UGT2B28: variants seen among roughly 807,000 people sequenced by gnomAD.
UGT2B28 encodes the protein UDP glucuronosyltransferase family 2 member B28.
Under a neutral mutation model 43.6 loss-of-function variants are expected in UGT2B28, and 45 were observed. The ratio of observed to expected loss-of-function variants is 1.03; its 90% CI spans 0.81 to 1.32. UGT2B28 has a LOEUF of 1.32. Ranked by LOEUF, UGT2B28 falls within the 40% of genes most tolerant of loss-of-function variation. UGT2B28 has a pLI of 0.00. For missense variants in UGT2B28, 649 were observed against 625.5 expected, an observed-to-expected ratio of 1.04 and a Z score of -0.40; for synonymous variants, 204 against 208.1, an observed-to-expected ratio of 0.98 and a Z score of 0.17.
At chr4:69,281,356 C>T (rs972018092) in intron 1 of UGT2B28, 135 bp downstream of exon 1, 19 of 1,101,200 alleles carry the variant, frequency 1.7e-5, no homozygotes, top group Non-Finnish European at 2.2e-5. Flanking sequence ...ACAAGATGAT[C>T]TATCAATCTC....
At chr4:69,282,842 T>TA (rs1287578367) in intron 2 of UGT2B28, among the ~76,000 whole-genome samples, 180 bp downstream of exon 2, 3 of 140,512 alleles carry the variant, frequency 2.1e-5, no homozygotes. Flanking sequence ...ATGTGAGTTT[T>TA]ATGCATATTA....
At chr4:69,289,356 T>C (rs1334032215) in intron 3 of UGT2B28, among the ~76,000 whole-genome samples, 1 of 140,854 alleles carries the variant, frequency 7.1e-6, no homozygotes, top group Non-Finnish European at 1.5e-5. Context: ...GTTAAGTTAT[T>C]TTACTTCATG....
rs1723646236 is a variant in UGT2B28, at chr4:69,282,541, T to A, written c.749T>A (p.Met250Lys). ...LGRPTTLFET[M>K]GKADIWLMRN... ...AGACCCACTACCTTATTTGAGACAA[T>A]GGGGAAAGCTGACATATGGCTTATG... Residue 250 changes from methionine (M) to lysine (K), a missense_variant, in exon 2 of 6, where the codon ATG (methionine) becomes AAG (lysine). By Grantham distance (95) the Met-to-Lys change is moderately conservative. Coordinates refer to ENST00000335568, the MANE Select transcript of UGT2B28 (RefSeq NM_053039.2). 2 of 1,549,994 alleles carry A rather than the reference T, an allele frequency of 1.3e-6. No individual in the cohort carries two copies. The highest frequency in any genetic ancestry group is 2.3e-5 in the East Asian group (1 of 43,142).
At chr4:69,289,559 T>G in intron 3 of UGT2B28, 106 bp from the exon 4 acceptor site, 1 of 1,040,964 alleles carries the variant, frequency 9.6e-7, no homozygotes, top group Non-Finnish European at 1.3e-6. Flanking sequence ...TGAGTAGATT[T>G]ATTTACTAAC....
chr4:69,281,590 T>G lies in UGT2B28; in HGVS notation c.721+369T>G, dbSNP rs780618708. 1.3e-4 allele frequency among the ~76,000 whole-genome samples: 19 copies of G among 141,112 alleles called. 4 individuals are homozygous for G. Among genetic ancestry groups the G allele is most frequent in the Non-Finnish European group, 2.1e-4 (14 of 65,860 alleles). 92.6% of individuals were successfully genotyped at this position (141,112 alleles called of 152,430 possible). On this transcript the variant is annotated intron_variant, in intron 1 of 5. Transcript: ENST00000335568. The stretch of plus-strand genomic sequence containing the variant: ...AGATTTAGAATGAGTAATTACACAT[T>G]TTTCTACAACTATCTATATAACTGC...
rs188365237 is a variant in UGT2B28, at chr4:69,285,768, A to G, written c.871-984A>G. ...GGAACTCAAGTCAGAATAATTCTCA[A>G]TCAATTGCAGCCAAGCACATCTTCA... is the stretch of plus-strand genomic sequence containing the variant. On this transcript the variant is annotated intron_variant, in intron 2 of 5. Coordinates refer to ENST00000335568, the MANE Select transcript of UGT2B28 (RefSeq NM_053039.2). Among the ~76,000 whole-genome samples, 341 of 140,928 alleles carry G rather than the reference A, an allele frequency of 2.4e-3. 76 individuals carry two copies. Among genetic ancestry groups the G allele is most frequent in the African/African-American group, 9.3e-3 (335 of 36,088 alleles). The allele number at this position is 140,928 out of a possible 152,430, so 92.5% of individuals were successfully genotyped here. A position where few individuals can be genotyped will look rare whatever the true frequency, so the allele number is the denominator to read the frequency against.
intron 2 of UGT2B28, among the ~76,000 whole-genome samples, chr4:69,283,583 G>T: frequency 7.1e-6 from 1 of 140,408 alleles, no homozygotes; most frequent in East Asian, 2.0e-4. Context: ...TGCTAAAATA[G>T]TGCCAACTTC....
chr4:69,283,482 A>G lies in UGT2B28; in HGVS notation c.870+820A>G, dbSNP rs1396398941. On this transcript the variant is annotated intron_variant, in intron 2 of 5. Transcript: ENST00000335568. ...ATTACAGAAGGGCCACACTGTAAAG[A>G]GCCAACCATTTAGGAAATTTTCCAT... 5.7e-5 allele frequency among the ~76,000 whole-genome samples: 8 copies of G among 140,374 alleles called. 1 individual carries two copies. The Admixed American group carries it at 5.7e-4, about 10-fold the overall frequency. The allele number at this position is 140,374 out of a possible 152,430, so 92.1% of individuals were successfully genotyped here. A position where few individuals can be genotyped will look rare whatever the true frequency, so the allele number is the denominator to read the frequency against.
chr4:69,290,138 G>C (rs1723909553), intron 4 of UGT2B28, among the ~76,000 whole-genome samples: 3 of 139,558 alleles, frequency 2.1e-5, no homozygotes, highest in African/African-American at 8.4e-5. Flanking sequence ...GTATTATCTG[G>C]AGGACTAAAT....
chr4:69,286,352 G>A lies in UGT2B28; in HGVS notation c.871-400G>A, dbSNP rs187013921. Among the ~76,000 whole-genome samples, 52 of 140,618 alleles carry A rather than the reference G, an allele frequency of 3.7e-4. 11 individuals carry two copies. The highest frequency in any genetic ancestry group is 1.3e-3 in the African/African-American group (48 of 35,938). The allele number at this position is 140,618 out of a possible 152,430, so 92.3% of individuals were successfully genotyped here. A position where few individuals can be genotyped will look rare whatever the true frequency, so the allele number is the denominator to read the frequency against. ...GAAAACATGCCTGAAATAAACACAA[G>A]TGTTTAAGTAGAAGAAAAATATAGC... On this transcript the variant is annotated intron_variant, in intron 2 of 5. Coordinates refer to ENST00000335568, the MANE Select transcript of UGT2B28 (RefSeq NM_053039.2).
chr4:69,292,192 CA>C lies in UGT2B28; in HGVS notation c.1310+1387del, dbSNP rs1202339539. ...CTTTTTGATGATGGTCTTTGAAGCACAAAAAATATAATTTTAAGTTAAAGTT... is the reference window on the plus strand; with the variant it reads ...CTTTTTGATGATGGTCTTTGAAGCACAAAAATATAATTTTAAGTTAAAGTT... On this transcript the variant is annotated intron_variant, in intron 5 of 5. Transcript: ENST00000335568. Among the ~76,000 whole-genome samples the C allele has an allele frequency of 2.1e-5, 3 of 139,926 alleles. 1 individual carries two copies. The highest frequency in any genetic ancestry group is 8.4e-5 in the African/African-American group (3 of 35,874). 91.8% of individuals were successfully genotyped at this position (139,926 alleles called of 152,430 possible).
In UGT2B28 at chr4:69,280,597, T is replaced by G; in HGVS notation, c.97T>G (p.Tyr33Asp). ...CGKVLVWTGEYSHWMNMKTIL... is the reference protein window; with the variant it reads ...CGKVLVWTGEDSHWMNMKTIL... ...AAAGGTGCTGGTGTGGACCGGTGAA[T>G]ACAGCCATTGGATGAATATGAAGAC... Residue 33 changes from tyrosine to aspartate, a missense_variant, in exon 1 of 6, where the codon TAC becomes GAC. Coordinates refer to ENST00000335568, the MANE Select transcript of UGT2B28 (RefSeq NM_053039.2). 6.4e-7 allele frequency: 1 copy of G among 1,560,726 alleles called. No individual in the cohort carries two copies. Among genetic ancestry groups the G allele is most frequent in the African/African-American group, 1.5e-5 (1 of 66,112 alleles).
chr4:69,293,682 G>A (rs1346784870), intron 5 of UGT2B28, among the ~76,000 whole-genome samples: 2 of 139,562 alleles, frequency 1.4e-5, no homozygotes, highest in East Asian at 4.1e-4. Flanking sequence ...GAACACCTTT[G>A]GAAGCTTAAA....
chr4:69,291,535 G>T (rs1469088220), intron 5 of UGT2B28, among the ~76,000 whole-genome samples: 2 of 139,890 alleles, frequency 1.4e-5, no homozygotes, highest in East Asian at 2.0e-4. Flanking sequence ...CTTTTCTTAT[G>T]GTTTTTGTTT....
intron 2 of UGT2B28, among the ~76,000 whole-genome samples, chr4:69,284,868 A>T (rs528846652): frequency 1.4e-5 from 2 of 140,332 alleles, no homozygotes; most frequent in Non-Finnish European, 3.0e-5. Flanking sequence ...AAACTGCATC[A>T]AGTGTTTTAA....
chr4:69,288,260 C>T lies in UGT2B28; in HGVS notation c.1002+1377C>T, dbSNP rs1365298975. On this transcript the variant is annotated intron_variant, in intron 3 of 5. Transcript: ENST00000335568. The stretch of plus-strand genomic sequence containing the variant: ...AGTAGTGCTTGAAAATTTGTAATTC[C>T]AATGAAGTTATACGTAAAACCTTGG... Among the ~76,000 whole-genome samples the T allele has an allele frequency of 1.1e-4, 15 of 138,866 alleles. 3 individuals carry two copies. The highest frequency in any genetic ancestry group is 4.2e-4 in the African/African-American group (15 of 35,484). 91.1% of individuals were successfully genotyped at this position (138,866 alleles called of 152,430 possible).
rs756719825 is a variant in UGT2B28 at position 69,282,515 on chromosome 4, A to G, written c.723A>G (p.Gly241=). 12 of 1,541,054 alleles carry G rather than the reference A, an allele frequency of 7.8e-6. 2 individuals are homozygous for G. The highest frequency in any genetic ancestry group is 1.0e-5 in the Non-Finnish European group (12 of 1,150,274). The change falls in exon 2 of 6, where the codon GGA becomes GGG. Residue 241 remains glycine, a splice_region_variant and synonymous_variant. Transcript: ENST00000335568. ...KWDQFYSEVL[G]RPTTLFETMG... is the part of the protein sequence containing the mutation. ...TTTTCTTTTCTTTATTCCTGTCAGGAAGACCCACTACCTTATTTGAGACAA... is the reference window on the plus strand; with the variant it reads ...TTTTCTTTTCTTTATTCCTGTCAGGGAGACCCACTACCTTATTTGAGACAA...
rs1408592940 is a variant in UGT2B28, at chr4:69,281,539, A to G, written c.721+318A>G. On this transcript the variant is annotated intron_variant, in intron 1 of 5. Coordinates refer to ENST00000335568, the MANE Select transcript of UGT2B28 (RefSeq NM_053039.2). The stretch of plus-strand genomic sequence containing the variant: ...TTAGATCTTAAAAACAGTGAAATCC[A>G]TCAAGTAACATCTTACTGAATGCAT... 4.3e-5 allele frequency among the ~76,000 whole-genome samples: 6 copies of G among 141,056 alleles called. 2 individuals are homozygous for G. Among genetic ancestry groups the G allele is most frequent in the Admixed American group, 1.4e-4 (2 of 14,082 alleles). 92.5% of individuals were successfully genotyped at this position (141,056 alleles called of 152,430 possible).
Position 69,294,570 on chromosome 4 carries a change from G to A in UGT2B28, c.1351G>A (p.Asp451Asn). The A allele has an allele frequency of 1.9e-6, 3 of 1,550,628 alleles. No individual in the cohort carries two copies. The highest frequency in any genetic ancestry group is 1.2e-5 in the South Asian group (1 of 82,844). Residue 451 changes from aspartate (D) to asparagine (N), a missense_variant, in exon 6 of 6, where the codon GAT (aspartate) becomes AAT (asparagine). Transcript: ENST00000335568. ...TATGAAATTATCAATAATTCAACATGATCAACCAGTAAAGCCCCTGCATCG... is the reference window on the plus strand; with the variant it reads ...TATGAAATTATCAATAATTCAACATAATCAACCAGTAAAGCCCCTGCATCG... Reference protein sequence around the residue: ...NVMKLSIIQHDQPVKPLHRAV... With the variant: ...NVMKLSIIQHNQPVKPLHRAV...
Sources: allele counts gnomAD v4.1 joint callset (sites outside exome capture counted in the v4.1 genomes callset), GRCh38; gene constraint gnomAD v4.1.1; transcripts MANE v1.5; gene names NCBI Gene and HGNC (gene_info 2026-07-23, HGNC 2026-07-21).